The following CTNNA2 variants were observed in gnomAD, a reference collection of about 807,000 sequenced individuals.
The protein encoded by CTNNA2 is catenin alpha 2.
A neutral mutation model predicts 101.0 loss-of-function variants in CTNNA2; 42 were observed. That is an observed-to-expected ratio of 0.42 (90% CI 0.32 to 0.54). The LOEUF is 0.54. CTNNA2 is among the 20% of genes least tolerant of loss of function. The probability of loss-of-function intolerance (pLI) is 0.14; values close to 1 mark genes in which losing one functional copy is unlikely to be tolerated. For synonymous variants in CTNNA2, 450 were observed against 456.4 expected (o/e 0.99, Z 0.18); for missense variants, 871 against 1,223.1 (o/e 0.71, Z 4.29).
At chr2:80,569,683 CCCAGGCTGGAGTGCAGTGGCA>C (rs1316038145) in intron 12 of CTNNA2, among the ~76,000 whole-genome samples, 1 of 79,158 alleles carries the variant, frequency 1.3e-5, no homozygotes, top group Non-Finnish European at 2.6e-5. Context: ...TGCTCTGTTG[CCCAGGCTGGAGTGCAGTGGCA>C]CCACCTCGGC....
At chr2:79,418,345 G>A (rs6724207) in intron 4 of CTNNA2, among the ~76,000 whole-genome samples, 45,334 of 151,972 alleles carry the variant, frequency 0.3, 6,902 homozygotes, top group South Asian at 0.44. Context: ...GCTTTACAAA[G>A]GTGGTTGGTT....
At chr2:79,819,968 C>T (rs1677873625) in intron 3 of CTNNA2, among the ~76,000 whole-genome samples, 1 of 151,858 alleles carries the variant, frequency 6.6e-6, no homozygotes, top group Non-Finnish European at 1.5e-5. Context: ...AACAAAACAA[C>T]AAAAACAAGC....
At chr2:80,125,547 G>T (rs991494158) in intron 7 of CTNNA2, among the ~76,000 whole-genome samples, 1 of 152,148 alleles carries the variant, frequency 6.6e-6, no homozygotes, top group African/African-American at 2.4e-5. Flanking sequence ...AGGCACACAT[G>T]CAACCTCTGC....
At chr2:79,570,437 T>G (rs1477687819) in intron 1 of CTNNA2, among the ~76,000 whole-genome samples, 1 of 152,158 alleles carries the variant, frequency 6.6e-6, no homozygotes, top group Non-Finnish European at 1.5e-5. Flanking sequence ...AAGAATTTCT[T>G]CCAAATGATT....
rs540734795 is a variant in CTNNA2 at position 80,340,635 on chromosome 2, G to C, written c.1057-52576G>C. ...TCAAGGTTTCCAGACCACAGACTTA[G>C]AGTCTCATTCTATCTCCTGTGTGGG... is the stretch of plus-strand genomic sequence containing the variant. On this transcript the variant is annotated intron_variant, in intron 7 of 18. Transcript: ENST00000402739. 4.6e-5 allele frequency among the ~76,000 whole-genome samples: 7 copies of C among 152,260 alleles called. No homozygotes were observed. In the East Asian group the frequency reaches 1.4e-3, roughly 29 times the overall value.
intron 2 of CTNNA2, among the ~76,000 whole-genome samples, chr2:79,715,019 C>T (rs952330110): frequency 9.7e-5 from 14 of 143,926 alleles, no homozygotes; most frequent in African/African-American, 2.1e-4. Context: ...GGTGAAACCC[C>T]GTCTCTACTA....
intron 18 of CTNNA2, among the ~76,000 whole-genome samples, chr2:80,620,077 T>C (rs1670950905): frequency 6.6e-6 from 1 of 151,792 alleles, no homozygotes; most frequent in African/African-American, 2.4e-5. Context: ...TATAAAAGGG[T>C]AAAGGGAGTT....
chr2:80,214,502 G>C (rs1330130602), intron 7 of CTNNA2, among the ~76,000 whole-genome samples: 3 of 152,114 alleles, frequency 2.0e-5, no homozygotes, highest in Non-Finnish European at 4.4e-5. Context: ...GAAATTCTGG[G>C]TTGAAAATTC....
chr2:80,376,736 A>C (rs890221367), intron 7 of CTNNA2, among the ~76,000 whole-genome samples: 11 of 152,180 alleles, frequency 7.2e-5, no homozygotes, highest in African/African-American at 2.4e-4. Flanking sequence ...AGGACTCCCC[A>C]TCAGTGTGGG....
chr2:79,298,214 G>A (rs1167253155), intron 2 of CTNNA2, among the ~76,000 whole-genome samples: 1 of 152,170 alleles, frequency 6.6e-6, no homozygotes, highest in South Asian at 2.1e-4. Context: ...CAAAGGGGGT[G>A]CAGTCATGTC....
chr2:80,557,000 G>A (rs1693098050), intron 12 of CTNNA2, among the ~76,000 whole-genome samples: 1 of 152,144 alleles, frequency 6.6e-6, no homozygotes, highest in Non-Finnish European at 1.5e-5. Context: ...TTTTTATGGG[G>A]AAAAGATTAT....
At chr2:80,311,731 C>G (rs1227291255) in intron 7 of CTNNA2, among the ~76,000 whole-genome samples, 2 of 152,170 alleles carry the variant, frequency 1.3e-5, no homozygotes, top group African/African-American at 4.8e-5. Flanking sequence ...TTCTGTTGTT[C>G]CTGTTTCACT....
At chr2:79,724,741 G>A (rs1686711359) in intron 2 of CTNNA2, among the ~76,000 whole-genome samples, 1 of 149,854 alleles carries the variant, frequency 6.7e-6, no homozygotes, top group Non-Finnish European at 1.5e-5. Flanking sequence ...CGTGAACCTG[G>A]GAGGCGGAGC....
rs1671080548 is a variant in CTNNA2, at chr2:79,478,939, T to C, written c.-134-26115T>C. 2.0e-5 allele frequency among the ~76,000 whole-genome samples: 3 copies of C among 152,172 alleles called. No individual in the cohort carries two copies. The South Asian group carries it at 6.2e-4, about 32-fold the overall frequency. On this transcript the variant is annotated intron_variant, in intron 4 of 21. Coordinates refer to the CTNNA2 transcript ENST00000466387. ...CTTCATTTCCACCACTGGAGCAGCT[T>C]TCCAGCCTGCTTTTGCTGTTTAGAT...
At chr2:80,058,195 T>A (rs1244384621) in intron 7 of CTNNA2, among the ~76,000 whole-genome samples, 1 of 152,216 alleles carries the variant, frequency 6.6e-6, no homozygotes, top group Non-Finnish European at 1.5e-5. Context: ...GGTCTTCTTG[T>A]CATTCTGTAA....
At chr2:80,440,815 A>G (rs2044302) in intron 9 of CTNNA2, among the ~76,000 whole-genome samples, 35,992 of 152,088 alleles carry the variant, frequency 0.24, 6,452 homozygotes, top group African/African-American at 0.51. Context: ...ATTCCAAGTA[A>G]GTGGGGCAGA....
chr2:80,379,233 A>T (rs1676278647), intron 7 of CTNNA2, among the ~76,000 whole-genome samples: 3 of 152,098 alleles, frequency 2.0e-5, no homozygotes, highest in Non-Finnish European at 2.9e-5. Context: ...AAGTTTCTTA[A>T]GCTCTTTATG....
At chr2:79,841,273 T>C (rs1021491507) in intron 3 of CTNNA2, among the ~76,000 whole-genome samples, 2 of 152,212 alleles carry the variant, frequency 1.3e-5, no homozygotes, top group African/African-American at 4.8e-5. Flanking sequence ...TACTTTTTTA[T>C]TGGTACATTC....
intron 15 of CTNNA2, among the ~76,000 whole-genome samples, chr2:80,596,797 G>C (rs1226867118): frequency 1.3e-5 from 2 of 152,130 alleles, no homozygotes; most frequent in African/African-American, 2.4e-5. Flanking sequence ...GGTTTTCAAA[G>C]GGAATACTTC....
Sources: allele counts gnomAD v4.1 joint callset (sites outside exome capture counted in the v4.1 genomes callset), GRCh38; gene constraint gnomAD v4.1.1; transcripts MANE v1.5; gene names NCBI Gene and HGNC (gene_info 2026-07-23, HGNC 2026-07-21).